Variants in ITGAE observed in about 807,000 individuals in gnomAD.
ITGAE encodes the protein integrin subunit alpha E, also known as integrin alpha-E.
A neutral mutation model predicts 136.5 loss-of-function variants in ITGAE; 99 were observed. The observed-to-expected ratio is 0.73, with a 90% CI of 0.62 to 0.86. The LOEUF is 0.86. Ranked by LOEUF, ITGAE falls within the 40% of genes least tolerant of loss-of-function variation. The pLI is 0.00. For synonymous variants in ITGAE, 613 were observed against 591.8 expected (o/e 1.04, Z -0.52); for missense variants, 1,447 against 1,515.3 (o/e 0.95, Z 0.75).
intron 1 of ITGAE, among the ~76,000 whole-genome samples, chr17:3,794,628 G>C (rs562932241): frequency 6.6e-6 from 1 of 152,182 alleles, no homozygotes; most frequent in African/African-American, 2.4e-5. Context: ...AGGCCGTACT[G>C]TTCCCGCTGC....
At chr17:3,737,383 G>A (rs1195547996) in intron 20 of ITGAE, among the ~76,000 whole-genome samples, 1 of 151,694 alleles carries the variant, frequency 6.6e-6, no homozygotes, top group East Asian at 1.9e-4. Context: ...AGAGGCAGGG[G>A]AGGGGGGACA....
chr17:3,780,083 C>T (rs1268989039), intron 1 of ITGAE, among the ~76,000 whole-genome samples: 2 of 152,262 alleles, frequency 1.3e-5, no homozygotes, highest in African/African-American at 2.4e-5. Context: ...AAGCGATTCT[C>T]CTGCCTCAGC....
chr17:3,749,185 C>A (rs113299343), intron 16 of ITGAE, among the ~76,000 whole-genome samples: 2,186 of 148,326 alleles, frequency 0.015, 35 homozygotes, highest in South Asian at 0.047. Context: ...ATGCCATTTG[C>A]TGAGACAGAA....
At chr17:3,729,323 G>T in intron 24 of ITGAE, 155 bp downstream of exon 24, 1 of 646,850 alleles carries the variant, frequency 1.5e-6, no homozygotes. Context: ...TAGCACCCTA[G>T]AGATCAATAT....
At chr17:3,742,943 C>T (rs1024469335) in intron 19 of ITGAE, among the ~76,000 whole-genome samples, 8 of 152,204 alleles carry the variant, frequency 5.3e-5, no homozygotes, top group South Asian at 2.1e-4. Context: ...TCAGCCAGGG[C>T]GCCCGGCTGA....
Position 3,772,218 on chromosome 17 carries a change from C to T in ITGAE, c.155+5322G>A, listed in dbSNP as rs80167855. The stretch of plus-strand genomic sequence containing the variant: ...GATGAACACACCTGCCTCGATGCGC[C>T]CCCCCGTACCTCGGACGTCCCCCAA... On this transcript the variant is annotated intron_variant, in intron 2 of 30. Transcript: ENST00000263087. Among the ~76,000 whole-genome samples the T allele has an allele frequency of 5.9e-4, 90 of 152,244 alleles. 2 individuals are homozygous for T. In the South Asian group the frequency reaches 0.014, roughly 25 times the overall value.
intron 11 of ITGAE, 40 bp downstream of exon 11, chr17:3,755,790 C>A (rs1312486467): frequency 6.4e-7 from 1 of 1,552,074 alleles, no homozygotes; most frequent in Non-Finnish European, 8.7e-7. Flanking sequence ...GGGCCCCTCA[C>A]CAATGGGCAA....
intron 15 of ITGAE, 103 bp from the exon 16 acceptor site, chr17:3,750,585 G>C (rs1288411588): frequency 8.3e-6 from 11 of 1,327,870 alleles, no homozygotes; most frequent in African/African-American, 1.5e-5. Context: ...GCACCATCCA[G>C]CCCCAGGGAG....
Position 3,755,895 on chromosome 17 carries a change from T to C in ITGAE, c.1174A>G (p.Thr392Ala), listed in dbSNP as rs150625781. 550 of 1,594,228 alleles carry C rather than the reference T, an allele frequency of 3.4e-4. 2 individuals carry two copies. In the African/African-American group the frequency reaches 6.6e-3, roughly 19 times the overall value. Residue 392 changes from threonine to alanine, a missense_variant and splice_region_variant, in exon 11 of 31, where the codon ACG (threonine) becomes GCG (alanine). Around this residue, in one of 3 missense-constraint regions of ITGAE, gnomAD observed 1,031 missense variants for 1,011.4 expected, o/e 1.02. Transcript: ENST00000263087. The part of the protein sequence containing the change: ...LRYNIISMEG[T>A]VGDALHYQLA... ...TGGTAGTGAAGGGCGTCTCCAACCG[T>C]GCCTGCAAGCCAAGAAGCCCAGTGA...
intron 19 of ITGAE, among the ~76,000 whole-genome samples, chr17:3,741,010 A>T (rs1468977769): frequency 2.0e-5 from 3 of 151,568 alleles, no homozygotes; most frequent in Non-Finnish European, 4.4e-5. Context: ...CATTTGCAGA[A>T]GTCAAAGCGT....
chr17:3,769,386 T>C (rs901431619), intron 2 of ITGAE, among the ~76,000 whole-genome samples: 11 of 141,508 alleles, frequency 7.8e-5, no homozygotes, highest in African/African-American at 2.6e-4. Context: ...GAGGCCATCA[T>C]GAACAGCTGT....
At chr17:3,783,201 C>T (rs1203706413) in intron 1 of ITGAE, among the ~76,000 whole-genome samples, 2 of 152,134 alleles carry the variant, frequency 1.3e-5, no homozygotes, top group Non-Finnish European at 2.9e-5. Context: ...AGTGCGGTGG[C>T]GCGATCTTGG....
At chr17:3,730,750 A>G (rs1443776537) in intron 23 of ITGAE, among the ~76,000 whole-genome samples, 1 of 151,884 alleles carries the variant, frequency 6.6e-6, no homozygotes, top group Non-Finnish European at 1.5e-5. Context: ...CCCTTTGAGA[A>G]CTCTTCCCAG....
chr17:3,730,779 C>A (rs923682340), intron 23 of ITGAE, among the ~76,000 whole-genome samples: 19 of 152,138 alleles, frequency 1.2e-4, no homozygotes, highest in Non-Finnish European at 2.1e-4. Context: ...CCCACCTTAC[C>A]CCCCAACACA....
chr17:3,746,072 G>T, intron 17 of ITGAE, 145 bp from the exon 18 acceptor site: 1 of 705,332 alleles, frequency 1.4e-6, no homozygotes, highest in Non-Finnish European at 2.3e-6. Flanking sequence ...CTCCTGCGTC[G>T]GTTTTTCAAA....
chr17:3,742,327 T>A (rs996747062), intron 19 of ITGAE, among the ~76,000 whole-genome samples: 6 of 152,214 alleles, frequency 3.9e-5, no homozygotes, highest in Non-Finnish European at 1.5e-5. Flanking sequence ...ATAGGACAAC[T>A]GGCAAAATTT....
In ITGAE at chr17:3,723,303, C is replaced by G. The variant is rs1049208328; in HGVS notation, c.3222G>C (p.Trp1074Cys). The part of the protein sequence containing the change: ...ENVTVAAEIS[W>C]DHSEELLKDV... The stretch of plus-strand genomic sequence containing the variant: ...TCTCAAACACCTCCTCAGAGTGATC[C>G]CAGGAGATCTCTGCAGCCACGGTGA... Residue 1074 changes from tryptophan to cysteine, a missense_variant, in exon 28 of 31, where the codon TGG becomes TGC. By Grantham distance (215) the Trp-to-Cys change is radical. Transcript: ENST00000263087. The G allele has an allele frequency of 5.6e-6, 9 of 1,610,978 alleles. No individual in the cohort carries two copies. The highest frequency in any genetic ancestry group is 7.6e-6 in the Non-Finnish European group (9 of 1,177,252).
chr17:3,753,709 A>AC, intron 13 of ITGAE, 74 bp downstream of exon 13: 2 of 1,571,488 alleles, frequency 1.3e-6, no homozygotes, highest in Non-Finnish European at 8.7e-7. Context: ...GCACCGTGGG[A>AC]CCCACTCCTT....
At chr17:3,752,006 C>A in intron 14 of ITGAE, 132 bp from the exon 15 acceptor site, 1 of 748,444 alleles carries the variant, frequency 1.3e-6, no homozygotes, top group Non-Finnish European at 2.2e-6. Context: ...CTCGCTGGGC[C>A]GGTGGGTTCC....
Sources: allele counts gnomAD v4.1 joint callset (sites outside exome capture counted in the v4.1 genomes callset), GRCh38; gene constraint gnomAD v4.1.1; regional missense constraint gnomAD v4.1.1; transcripts MANE v1.5; gene names NCBI Gene and HGNC (gene_info 2026-07-23, HGNC 2026-07-21).